The following UST variants were observed in gnomAD, a reference collection of about 807,000 sequenced individuals.
UST encodes the protein uronyl 2-sulfotransferase, also known as chondroitin sulfate 2-O-sulfotransferase.
UST carries 21 observed loss-of-function variants against 45.6 expected under a neutral mutation model. That is an observed-to-expected ratio of 0.46 (90% CI 0.33 to 0.66). The LOEUF (loss-of-function observed/expected upper bound fraction) is 0.66, where lower values mean the gene tolerates loss of function less well. Among genes scored for constraint, UST ranks in the 30% least tolerant of loss-of-function variants. UST has a pLI of 0.02. For synonymous variants in UST, 215 were observed against 200.6 expected (o/e 1.07, Z -0.61); for missense variants, 463 against 512.4 (o/e 0.90, Z 0.93).
At chr6:148,838,415 A>C (rs530493748) in intron 1 of UST, among the ~76,000 whole-genome samples, 1 of 152,242 alleles carries the variant, frequency 6.6e-6, no homozygotes, top group Non-Finnish European at 1.5e-5. Context: ...AAGCCTTTAG[A>C]GTATCCAAAC....
At chr6:148,818,449 T>G (rs1777396014) in intron 1 of UST, among the ~76,000 whole-genome samples, 1 of 152,224 alleles carries the variant, frequency 6.6e-6, no homozygotes, top group Non-Finnish European at 1.5e-5. Flanking sequence ...GAGAGAGAAC[T>G]CTGTCCCTAA....
chr6:149,007,402 C>T (rs1775733871), intron 5 of UST, among the ~76,000 whole-genome samples: 1 of 151,416 alleles, frequency 6.6e-6, no homozygotes, highest in African/African-American at 2.4e-5. Flanking sequence ...ATTCTCCTGC[C>T]TCAGCCTCCT....
At chr6:148,827,678 A>G (rs974561808) in intron 1 of UST, among the ~76,000 whole-genome samples, 3 of 150,922 alleles carry the variant, frequency 2.0e-5, no homozygotes, top group African/African-American at 7.3e-5. Flanking sequence ...AATATTAGTC[A>G]TGATCCTGGC....
chr6:148,880,542 G>A (rs1778804517), intron 1 of UST, among the ~76,000 whole-genome samples: 1 of 152,312 alleles, frequency 6.6e-6, no homozygotes, highest in South Asian at 2.1e-4. Context: ...AGTCCTCCAA[G>A]TGCTCCAACT....
chr6:149,056,625 T>G (rs1346848119), intron 7 of UST, among the ~76,000 whole-genome samples: 1 of 152,242 alleles, frequency 6.6e-6, no homozygotes, highest in Non-Finnish European at 1.5e-5. Context: ...CACTGTCTTA[T>G]TTAGTGTGCA....
At chr6:148,920,718 T>A (rs1159334048) in intron 2 of UST, among the ~76,000 whole-genome samples, 3 of 152,138 alleles carry the variant, frequency 2.0e-5, no homozygotes, top group African/African-American at 7.2e-5. Context: ...TTTGTAGAGA[T>A]GAGATTCCAC....
intron 5 of UST, among the ~76,000 whole-genome samples, chr6:148,970,932 G>A (rs1780902474): frequency 6.6e-6 from 1 of 152,222 alleles, no homozygotes; most frequent in Admixed American, 6.5e-5. Context: ...CTCAAGGTCT[G>A]TAACCGTACT....
chr6:148,827,601 G>A (rs1182288537), intron 1 of UST, among the ~76,000 whole-genome samples: 1 of 150,518 alleles, frequency 6.6e-6, no homozygotes, highest in Non-Finnish European at 1.5e-5. Context: ...GGACAACAGA[G>A]CAAGATTCTG....
chr6:148,813,893 G>A (rs1777308317), intron 1 of UST, among the ~76,000 whole-genome samples: 1 of 152,020 alleles, frequency 6.6e-6, no homozygotes, highest in Admixed American at 6.6e-5. Flanking sequence ...TGTTATAAAT[G>A]AATACTCAAT....
rs151310346 is a variant in UST at position 149,005,909 on chromosome 6, C to T, written c.682-13230C>T. ...ACTAACACAATCACACCCAGGACAG[C>T]GGCAGATTTGAAGAGGGAGCAGTGC... On this transcript the variant is annotated intron_variant, in intron 5 of 7. Transcript: ENST00000367463. 1.8e-3 allele frequency among the ~76,000 whole-genome samples: 278 copies of T among 152,180 alleles called. 1 individual carries two copies. The highest frequency in any genetic ancestry group is 6.3e-3 in the African/African-American group (263 of 41,528).
intron 1 of UST, among the ~76,000 whole-genome samples, chr6:148,750,065 A>G (rs532974503): frequency 6.6e-6 from 1 of 152,350 alleles, no homozygotes; most frequent in African/African-American, 2.4e-5. Flanking sequence ...CTGTCAAAAC[A>G]AAACTTGTGG....
intron 1 of UST, among the ~76,000 whole-genome samples, chr6:148,860,734 T>G (rs1206825538): frequency 1.3e-5 from 2 of 152,204 alleles, no homozygotes. Context: ...GAAGGCCTTT[T>G]CTGCATCTAT....
rs148134600 is a variant in UST, at chr6:148,955,149, G to A, written c.527+1198G>A. Among the ~76,000 whole-genome samples, 24 of 152,278 alleles carry A rather than the reference G, an allele frequency of 1.6e-4. No individual in the cohort carries two copies. In the East Asian group the frequency reaches 4.6e-3, roughly 29 times the overall value. ...TTGACAGTTCCTTGCAGGTCCACAC[G>A]AGAGCACCAAAGGACCCAGGGCAGC... is the stretch of plus-strand genomic sequence containing the variant. On this transcript the variant is annotated intron_variant, in intron 4 of 7. Coordinates refer to ENST00000367463, the MANE Select transcript of UST (RefSeq NM_005715.3).
chr6:148,928,991 T>C (rs1485720991), intron 2 of UST, among the ~76,000 whole-genome samples: 1 of 152,216 alleles, frequency 6.6e-6, no homozygotes, highest in Non-Finnish European at 1.5e-5. Flanking sequence ...GGAGCAGCTG[T>C]GGGGATATGG....
chr6:148,829,780 G>A (rs1259585663), intron 1 of UST, among the ~76,000 whole-genome samples: 3 of 152,070 alleles, frequency 2.0e-5, no homozygotes, highest in African/African-American at 7.2e-5. Context: ...GTTACTCATA[G>A]CTTCAATTCT....
intron 2 of UST, among the ~76,000 whole-genome samples, chr6:148,909,944 C>A (rs1779441499): frequency 6.6e-6 from 1 of 152,070 alleles, no homozygotes; most frequent in African/African-American, 2.4e-5. Context: ...AAAGAACTAG[C>A]AAAGCTTACT....
intron 1 of UST, among the ~76,000 whole-genome samples, chr6:148,828,897 A>G (rs1777626538): frequency 6.6e-6 from 1 of 152,186 alleles, no homozygotes; most frequent in South Asian, 2.1e-4. Context: ...TTAACTTTTC[A>G]TTAGTGTTCC....
intron 3 of UST, 56 bp from the exon 4 acceptor site, chr6:148,953,816 T>C: frequency 9.1e-7 from 1 of 1,104,098 alleles, no homozygotes. Flanking sequence ...ACCTTTAACT[T>C]AATATGGCTT....
At chr6:148,795,170 C>T (rs1214889553) in intron 1 of UST, among the ~76,000 whole-genome samples, 1 of 152,176 alleles carries the variant, frequency 6.6e-6, no homozygotes, top group Non-Finnish European at 1.5e-5. Context: ...AATTTCAAAA[C>T]TTTACAAAGC....
Sources: gnomAD v4.1 joint callset for allele counts (sites outside exome capture counted in the v4.1 genomes callset) on GRCh38, gnomAD v4.1.1 for gene constraint, MANE v1.5 for transcripts, NCBI Gene and HGNC (gene_info 2026-07-23, HGNC 2026-07-21) for gene names.